Variants in PTPRD observed in about 807,000 individuals in gnomAD.
PTPRD encodes the protein receptor-type tyrosine-protein phosphatase delta.
Under a neutral mutation model 214.5 loss-of-function variants are expected in PTPRD, and 34 were observed. The observed-to-expected ratio is 0.16, with a 90% confidence interval of 0.12 to 0.21. PTPRD has a LOEUF of 0.21. Among genes scored for constraint, PTPRD ranks in the 10% least tolerant of loss-of-function variants. The probability of loss-of-function intolerance (pLI) is 1.00; values close to 1 mark genes in which losing one functional copy is unlikely to be tolerated. For synonymous variants in PTPRD, 1,128 were observed against 845.7 expected (o/e 1.33, Z -5.79); for missense variants, 2,545 against 2,398.7 (o/e 1.06, Z -1.27).
intron 4 of PTPRD, among the ~76,000 whole-genome samples, chr9:9,944,384 A>G (rs1410673930): frequency 4.0e-5 from 6 of 151,748 alleles, no homozygotes; most frequent in African/African-American, 1.4e-4. Flanking sequence ...ACTATGTGCT[A>G]GCACTAAGGC....
At chr9:8,508,777 C>T (rs922111852) in intron 21 of PTPRD, among the ~76,000 whole-genome samples, 2 of 152,048 alleles carry the variant, frequency 1.3e-5, no homozygotes, top group Non-Finnish European at 2.9e-5. Flanking sequence ...TGTACTATGG[C>T]TTTAAAAAAT....
chr9:9,968,972 G>T (rs1426211429), intron 4 of PTPRD, among the ~76,000 whole-genome samples: 2 of 152,162 alleles, frequency 1.3e-5, no homozygotes, highest in Non-Finnish European at 2.9e-5. Flanking sequence ...AAATTCATGA[G>T]ATGTGATCTT....
rs557898453 is a variant in PTPRD, at chr9:9,708,720, T to A, written c.-287+25813A>T. ...GATAAGTCTATACCCGTCAGATAAC[T>A]CTTGATTGATGAAAATTCACTTAAA... On this transcript the variant is annotated intron_variant, in intron 7 of 45. Transcript: ENST00000381196. Among the ~76,000 whole-genome samples the A allele has an allele frequency of 2.0e-5, 3 of 152,108 alleles. No homozygotes were observed. The South Asian group carries it at 6.2e-4, about 32-fold the overall frequency.
chr9:8,649,573 T>G (rs1284183389), intron 12 of PTPRD, among the ~76,000 whole-genome samples: 1 of 152,222 alleles, frequency 6.6e-6, no homozygotes, highest in Non-Finnish European at 1.5e-5. Context: ...AAATGATGTT[T>G]GATTGTATTT....
At position 9,929,436 on chromosome 9, in the gene PTPRD, C is replaced by T. The variant is rs138137718; in HGVS notation, c.-368+9071G>A. 2.7e-3 allele frequency among the ~76,000 whole-genome samples: 418 copies of T among 152,258 alleles called. 5 individuals are homozygous for T. In the South Asian group the frequency reaches 0.033, roughly 12 times the overall value. ...AGACAGAGTCTCACTACTCTGTCAC[C>T]AGGCTGAAGTGCAGTGGCGTGATCT... On this transcript the variant is annotated intron_variant, in intron 5 of 45. Coordinates refer to ENST00000381196, the MANE Select transcript of PTPRD (RefSeq NM_002839.4).
chr9:9,656,424 G>C (rs1335748526), intron 7 of PTPRD, among the ~76,000 whole-genome samples: 1 of 152,124 alleles, frequency 6.6e-6, no homozygotes, highest in African/African-American at 2.4e-5. Flanking sequence ...ATATTATTCA[G>C]TGCTAAAAAG....
chr9:9,709,233 ATTTC>A (rs1427382911), intron 7 of PTPRD, among the ~76,000 whole-genome samples: 1 of 151,754 alleles, frequency 6.6e-6, no homozygotes, highest in Non-Finnish European at 1.5e-5. Flanking sequence ...CTATATTTTT[ATTTC>A]TCTTTTGGAT....
At chr9:9,765,542 G>A (rs1245498878) in intron 6 of PTPRD, among the ~76,000 whole-genome samples, 1 of 152,206 alleles carries the variant, frequency 6.6e-6, no homozygotes, top group Admixed American at 6.5e-5. Context: ...CTGATGTAGA[G>A]AAGTTTTAGA....
intron 35 of PTPRD, among the ~76,000 whole-genome samples, chr9:8,409,294 G>A (rs945526233): frequency 6.6e-6 from 1 of 152,128 alleles, no homozygotes; most frequent in Admixed American, 6.6e-5. Flanking sequence ...AGCAGGGAGA[G>A]AGGCCAGGCT....
intron 11 of PTPRD, among the ~76,000 whole-genome samples, chr9:8,927,963 G>A (rs559498306): frequency 1.3e-5 from 2 of 152,294 alleles, no homozygotes; most frequent in East Asian, 3.9e-4. Flanking sequence ...GACCAGTGAT[G>A]ATGAGCTTTT....
intron 3 of PTPRD, among the ~76,000 whole-genome samples, chr9:10,125,725 G>T (rs912627365): frequency 5.2e-4 from 79 of 151,086 alleles, no homozygotes; most frequent in African/African-American, 1.9e-3. Context: ...CTCGGGATCC[G>T]CTCGCCTCAG....
chr9:10,211,439 G>A (rs1203034169), intron 3 of PTPRD, among the ~76,000 whole-genome samples: 3 of 152,116 alleles, frequency 2.0e-5, no homozygotes, highest in Admixed American at 6.6e-5. Context: ...TCTGGGAGCT[G>A]TAGTTCTTGA....
intron 8 of PTPRD, among the ~76,000 whole-genome samples, chr9:9,405,971 G>A (rs10977733): frequency 0.15 from 23,456 of 151,896 alleles, 1,939 homozygotes; most frequent in Middle Eastern, 0.23. Flanking sequence ...AAAATTGCAA[G>A]TTTGCCATTT....
Position 8,667,896 on chromosome 9 carries a change from G to C in PTPRD, c.65-31052C>G, listed in dbSNP as rs564814081. 2.9e-4 allele frequency among the ~76,000 whole-genome samples: 44 copies of C among 152,174 alleles called. 1 individual carries two copies. Among genetic ancestry groups the C allele is most frequent in the Admixed American group, 2.6e-3 (39 of 15,288 alleles). On this transcript the variant is annotated intron_variant, in intron 12 of 45. Transcript: ENST00000381196. ...AATGCAGTTTCAGTAAGAAAATTAA[G>C]AAAATAGGGAGTCTCTCTGAGCCTA...
At chr9:10,200,807 C>A (rs294818) in intron 3 of PTPRD, among the ~76,000 whole-genome samples, 1 of 151,920 alleles carries the variant, frequency 6.6e-6, no homozygotes. Context: ...AAAATATAAA[C>A]ATAAATTGAT....
At chr9:9,383,640 T>A (rs1438144828) in intron 9 of PTPRD, among the ~76,000 whole-genome samples, 1 of 152,168 alleles carries the variant, frequency 6.6e-6, no homozygotes. Context: ...TATCTATGCT[T>A]ACATTTATTT....
intron 7 of PTPRD, among the ~76,000 whole-genome samples, chr9:9,670,870 G>A (rs568391101): frequency 1.3e-5 from 2 of 152,322 alleles, no homozygotes; most frequent in South Asian, 2.1e-4. Context: ...CAGGGGCAGT[G>A]CACTCATGGA....
intron 3 of PTPRD, among the ~76,000 whole-genome samples, chr9:10,190,559 A>T (rs2099359282): frequency 6.6e-6 from 1 of 151,508 alleles, no homozygotes; most frequent in African/African-American, 2.4e-5. Context: ...CTCTACTAAA[A>T]ATACAAAAAC....
intron 3 of PTPRD, among the ~76,000 whole-genome samples, chr9:10,083,466 C>G (rs938290245): frequency 6.6e-6 from 1 of 152,044 alleles, no homozygotes; most frequent in African/African-American, 2.4e-5. Flanking sequence ...TCATTTGCTT[C>G]TCAAAGCCTG....
Sources: gnomAD v4.1 joint callset for allele counts (sites outside exome capture counted in the v4.1 genomes callset) on GRCh38, gnomAD v4.1.1 for gene constraint, MANE v1.5 for transcripts, NCBI Gene and HGNC (gene_info 2026-07-23, HGNC 2026-07-21) for gene names.